MUC5B: variants seen among roughly 807,000 people sequenced by gnomAD.
The protein encoded by MUC5B is mucin 5B, oligomeric mucus/gel-forming.
A neutral mutation model predicts 376.9 loss-of-function variants in MUC5B; 116 were observed. The observed-to-expected ratio is 0.31, with a 90% CI of 0.26 to 0.36. MUC5B has a LOEUF of 0.36. Ranked by LOEUF, MUC5B falls within the 10% of genes least tolerant of loss-of-function variation. The pLI is 1.00. For synonymous variants in MUC5B, 3,517 were observed against 3,390.9 expected (o/e 1.04, Z -1.29); for missense variants, 7,165 against 7,769.9 (o/e 0.92, Z 2.93).
Position 1,232,472 on chromosome 11 carries a change from C to T in MUC5B, c.1866C>T (p.Cys622=), listed in dbSNP as rs1462667751. 6.2e-7 allele frequency: 1 copy of T among 1,609,448 alleles called. No homozygotes were observed. Among genetic ancestry groups the T allele is most frequent in the Non-Finnish European group, 8.5e-7 (1 of 1,178,590 alleles). The change falls in exon 16 of 49, where the codon TGC becomes TGT. Residue 622 remains cysteine (C), a synonymous_variant. Coordinates refer to ENST00000529681, the MANE Select transcript of MUC5B (RefSeq NM_002458.3). ...CAGAGAACTACGCCCGGCACTGGTG[C>T]TCGCGCCTGACCGATCCCAACAGTG... The part of the protein sequence containing the change: ...VENENYARHW[C]SRLTDPNSAF...
At position 1,248,334 on chromosome 11, in the gene MUC5B, C is replaced by G. The variant is rs1167043824; in HGVS notation, c.11454C>G (p.Thr3818=). Residue 3818 remains threonine (T), a synonymous_variant, in exon 31 of 49, where the codon ACC becomes ACG. Transcript: ENST00000529681. ...CACAGACCACCACACCCACGGCCACCATGTCCACAGCCACACCCTCCTCCA... is the reference window on the plus strand; with the variant it reads ...CACAGACCACCACACCCACGGCCACGATGTCCACAGCCACACCCTCCTCCA... ...RLSQTTTPTA[T]MSTATPSSTP... 7.4e-6 allele frequency: 12 copies of G among 1,612,308 alleles called. No homozygotes were observed. The highest frequency in any genetic ancestry group is 1.0e-5 in the Non-Finnish European group (12 of 1,179,348).
chr11:1,258,007 CG>C lies in MUC5B; in HGVS notation c.16451-88del. ...AGGGGCTGTGAAGCGGTCAGGTCCT[CG>C]GGGAAAAGCACGCCTGCGACTTACT... is the stretch of plus-strand genomic sequence containing the variant. On this transcript the variant is annotated intron_variant, in intron 41 of 48. Coordinates refer to ENST00000529681, the MANE Select transcript of MUC5B (RefSeq NM_002458.3). This position sits in a 1 kb window ranked among gnomAD's most constrained non-coding sequence, Gnocchi z 5.5. 1.5e-6 allele frequency: 2 copies of C among 1,307,834 alleles called. No individual in the cohort carries two copies. Among genetic ancestry groups the C allele is most frequent in the South Asian group, 1.3e-5 (1 of 74,142 alleles). 81.0% of individuals were successfully genotyped at this position (1,307,834 alleles called of 1,614,324 possible).
chr11:1,239,135 C>T (rs1862222274), intron 26 of MUC5B, 108 bp downstream of exon 26: 8 of 1,330,462 alleles, frequency 6.0e-6, no homozygotes, highest in Non-Finnish European at 7.3e-6. Flanking sequence ...CGCACACAGA[C>T]ATCCAACACG....
chr11:1,241,865 A>T lies in MUC5B; in HGVS notation c.4985A>T (p.Tyr1662Phe). The change falls in exon 31 of 49, where the codon TAC (tyrosine) becomes TTC (phenylalanine). Residue 1662 changes from tyrosine to phenylalanine, a missense_variant. Physicochemically the swap from Tyr to Phe is conservative, Grantham distance 22. Transcript: ENST00000529681. Reference protein sequence around the residue: ...TLSEGLTSPRYTSTLGTATTG... With the variant: ...TLSEGLTSPRFTSTLGTATTG... ...TCAGAAGGACTGACATCCCCCAGAT[A>T]CACAAGCACCCTTGGTACAGCCACC... The T allele has an allele frequency of 6.2e-7, 1 of 1,613,284 alleles. No individual in the cohort carries two copies. The highest frequency in any genetic ancestry group is 8.5e-7 in the Non-Finnish European group (1 of 1,179,692).
chr11:1,233,777 C>A lies in MUC5B; in HGVS notation c.2322-16C>A, dbSNP rs541494931. On this transcript the variant is annotated splice_polypyrimidine_tract_variant and intron_variant, in intron 18 of 48. Transcript: ENST00000529681. ...TGAGGGCCGCAGATCCAGGCTGTGC[C>A]GTCTGTCTCTTGTAGTTCATGTACG... is the stretch of plus-strand genomic sequence containing the variant. The A allele has an allele frequency of 1.3e-6, 2 of 1,599,384 alleles. No individual in the cohort carries two copies. Among genetic ancestry groups the A allele is most frequent in the East Asian group, 2.3e-5 (1 of 44,182 alleles).
Position 1,239,497 on chromosome 11 carries a change from G to A in MUC5B, c.3514G>A (p.Gly1172Arg), listed in dbSNP as rs371432801. 1.4e-4 allele frequency: 218 copies of A among 1,606,232 alleles called. 1 individual carries two copies. Among genetic ancestry groups the A allele is most frequent in the Middle Eastern group, 1.7e-4 (1 of 6,030 alleles). ...CTGTGAGTGGCACTACCAGCCCTGCGGGGCACCCTGCCTAAAAACCTGCCG... is the reference window on the plus strand; with the variant it reads ...CTGTGAGTGGCACTACCAGCCCTGCAGGGCACCCTGCCTAAAAACCTGCCG... ...GGCEWHYQPC[G>R]APCLKTCRNP... is the part of the protein sequence containing the mutation. Residue 1172 changes from glycine (G) to arginine (R), a missense_variant, in exon 27 of 49, where the codon GGG becomes AGG. By Grantham distance (125) the Gly-to-Arg change is moderately radical (BLOSUM62 -2). Coordinates refer to ENST00000529681, the MANE Select transcript of MUC5B (RefSeq NM_002458.3).
chr11:1,256,517 C>A (rs56077699), intron 38 of MUC5B, 154 bp from the exon 39 acceptor site: 7,369 of 426,584 alleles, frequency 0.017, 150 homozygotes, highest in Non-Finnish European at 0.021. Flanking sequence ...CCAGCCCCAC[C>A]CGTCCCCGCC....
intron 12 of MUC5B, 149 bp downstream of exon 12, chr11:1,230,749 G>A (rs1173135084): frequency 1.1e-6 from 1 of 907,418 alleles, no homozygotes; most frequent in Admixed American, 2.4e-5. Flanking sequence ...CCCAGGTCAG[G>A]TCCCCCCTCC....
intron 3 of MUC5B, 58 bp from the exon 4 acceptor site, chr11:1,226,557 G>A: frequency 6.4e-7 from 1 of 1,556,444 alleles, no homozygotes; most frequent in Non-Finnish European, 8.7e-7. Flanking sequence ...TCGGCCCAGG[G>A]GAGGCTACCC....
Position 1,239,906 on chromosome 11 carries a change from G to A in MUC5B, c.3691G>A (p.Gly1231Ser), listed in dbSNP as rs567808873. The A allele has an allele frequency of 1.6e-5, 26 of 1,613,302 alleles. No individual in the cohort carries two copies. The highest frequency in any genetic ancestry group is 2.2e-5 in the East Asian group (1 of 44,866). ...YDKDGNYYDV[G>S]ARVPTAENCQ... ...CAAGGACGGAAACTACTATGACGTC[G>A]GTGCAAGGGTCCCCACAGCGGAGAA... The change falls in exon 28 of 49, where the codon GGT (glycine) becomes AGT (serine). Residue 1231 changes from glycine to serine, a missense_variant. Physicochemically the swap from Gly to Ser is moderately conservative, Grantham distance 56. This residue lies in a region of MUC5B where 517 missense variants were observed against 545.3 expected (regional missense o/e 0.95). Coordinates refer to ENST00000529681, the MANE Select transcript of MUC5B (RefSeq NM_002458.3).
At position 1,246,481 on chromosome 11, in the gene MUC5B, A is replaced by G; in HGVS notation, c.9601A>G (p.Thr3201Ala). The G allele has an allele frequency of 1.2e-6, 2 of 1,613,146 alleles. No individual in the cohort carries two copies. The highest frequency in any genetic ancestry group is 2.2e-5 in the East Asian group (1 of 44,844). The change falls in exon 31 of 49, where the codon ACC (threonine) becomes GCC (alanine). Residue 3201 changes from threonine to alanine, a missense_variant. Thr to Ala is a moderately conservative substitution (Grantham distance 58). Transcript: ENST00000529681. ...CCTCAAAGTGCTGACCAGCACGGCC[A>G]CCACACCCACAGTCATCAGCTCCAG... The part of the protein sequence containing the change: ...GTLKVLTSTA[T>A]TPTVISSRAT...
rs1205276477 is a variant in MUC5B at position 1,234,182 on chromosome 11, C to T, written c.2378-23C>T. 5 of 1,573,434 alleles carry T rather than the reference C, an allele frequency of 3.2e-6. 1 individual carries two copies. In the South Asian group the frequency reaches 3.5e-5, roughly 11 times the overall value. On this transcript the variant is annotated intron_variant, in intron 19 of 48. Coordinates refer to ENST00000529681, the MANE Select transcript of MUC5B (RefSeq NM_002458.3). The surrounding 1 kb of genome is among the most constrained non-coding windows in gnomAD (Gnocchi z 6.3). ...CCGTGGCTGCCCTTCCCCAGGACCC[C>T]TCCCACCAAGCTCTGTCCCCAGGGT...
chr11:1,259,642 C>T, intron 44 of MUC5B, 114 bp from the exon 45 acceptor site: 2 of 1,055,174 alleles, frequency 1.9e-6, no homozygotes, highest in South Asian at 2.8e-5. Flanking sequence ...TAGGCCCAGG[C>T]AGGGACAGGG....
intron 5 of MUC5B, 63 bp downstream of exon 5, chr11:1,227,208 G>A (rs1355231858): frequency 1.8e-5 from 29 of 1,570,402 alleles, no homozygotes; most frequent in East Asian, 6.8e-5. Context: ...ACCGGGGGTC[G>A]AGGGATGCCT....
In MUC5B at chr11:1,241,284, AT is replaced by A; in HGVS notation, c.4405del (p.Trp1469GlyfsTer2). The A allele has an allele frequency of 6.3e-7, 1 of 1,598,720 alleles. No homozygotes were observed. Among genetic ancestry groups the A allele is most frequent in the Non-Finnish European group, 8.5e-7 (1 of 1,172,832 alleles). On this transcript the variant is annotated frameshift_variant, in exon 31 of 49. Coordinates refer to ENST00000529681, the MANE Select transcript of MUC5B (RefSeq NM_002458.3). LOFTEE classifies it high-confidence loss of function. Reference sequence around the variant, plus strand: ...CCACAGCAACCGAAAAGACCACCCTATGGGTGACCCCGAGCATCCGGTCGAC... The same window carrying A: ...CCACAGCAACCGAAAAGACCACCCTAGGGTGACCCCGAGCATCCGGTCGAC... ...QTTATEKTTL[W>X]VTPSIRSTAA...
intron 34 of MUC5B, 78 bp downstream of exon 34, chr11:1,254,429 A>AC: frequency 6.4e-7 from 1 of 1,553,014 alleles, no homozygotes; most frequent in Non-Finnish European, 8.7e-7. Context: ...GGCCGGGGTG[A>AC]CCCAGGTGCC....
rs769440902 is a variant in MUC5B at position 1,255,415 on chromosome 11, C to G, written c.15923C>G (p.Pro5308Arg). 6.2e-7 allele frequency: 1 copy of G among 1,603,824 alleles called. No homozygotes were observed. The highest frequency in any genetic ancestry group is 8.5e-7 in the Non-Finnish European group (1 of 1,175,482). The change falls in exon 37 of 49, where the codon CCG becomes CGG. Residue 5308 changes from proline (P) to arginine (R), a missense_variant. Pro to Arg is a moderately radical substitution (Grantham distance 103). Around this residue, in one of 31 missense-constraint regions of MUC5B, gnomAD observed 842 missense variants for 1,016.9 expected, o/e 0.83. Coordinates refer to ENST00000529681, the MANE Select transcript of MUC5B (RefSeq NM_002458.3). The stretch of plus-strand genomic sequence containing the variant: ...GCTGAGTGCCACAACCTTGTGCCCC[C>G]GGGCCCATTCTTCAACGCCTGCATC... ...VFAECHNLVP[P>R]GPFFNACISD...
chr11:1,242,065 C>T lies in MUC5B; in HGVS notation c.5185C>T (p.Pro1729Ser). 1 of 1,603,906 alleles carries T rather than the reference C, an allele frequency of 6.2e-7. No individual in the cohort carries two copies. The highest frequency in any genetic ancestry group is 1.3e-5 in the African/African-American group (1 of 74,728). The change falls in exon 31 of 49, where the codon CCG becomes TCG. Residue 1729 changes from proline to serine, a missense_variant. This residue lies in a region of MUC5B where 897 missense variants were observed against 779.6 expected (regional missense o/e 1.15). Transcript: ENST00000529681. ...PTTMATSRAR[P>S]TGTASTASKE... ...AACAATGGCAACCTCCAGAGCTCGCCCGACAGGCACAGCCAGCACCGCTTC... is the reference window on the plus strand; with the variant it reads ...AACAATGGCAACCTCCAGAGCTCGCTCGACAGGCACAGCCAGCACCGCTTC...
At chr11:1,228,479 C>T in intron 7 of MUC5B, 85 bp from the exon 8 acceptor site, 1 of 1,315,388 alleles carries the variant, frequency 7.6e-7, no homozygotes, top group Non-Finnish European at 1.0e-6. Context: ...GCTTCCCGGC[C>T]TGGCCTGCCA....
Sources: allele counts gnomAD v4.1 joint callset, GRCh38; gene constraint gnomAD v4.1.1; regional missense constraint gnomAD v4.1.1; non-coding constraint Gnocchi (gnomAD v3.1); transcripts MANE v1.5; gene names NCBI Gene and HGNC (gene_info 2026-07-23, HGNC 2026-07-21).